DLGAP2: variants seen among roughly 807,000 people sequenced by gnomAD.
The protein encoded by DLGAP2 is DLG associated protein 2.
DLGAP2 carries 26 observed loss-of-function variants against 100.3 expected under a neutral mutation model. The observed-to-expected ratio is 0.26, with a 90% CI of 0.19 to 0.36. The LOEUF (loss-of-function observed/expected upper bound fraction) is 0.36, where lower values mean the gene tolerates loss of function less well. DLGAP2 is among the 10% of genes least tolerant of loss of function. The pLI, the probability that DLGAP2 is intolerant of heterozygous loss-of-function variation, is 1.00. For synonymous variants in DLGAP2, 886 were observed against 630.1 expected, an observed-to-expected ratio of 1.41 and a Z score of -6.08; for missense variants, 1,858 against 1,453.2, an observed-to-expected ratio of 1.28 and a Z score of -4.53.
intron 2 of DLGAP2, among the ~76,000 whole-genome samples, chr8:933,306 G>A (rs914669572): frequency 5.3e-5 from 8 of 152,288 alleles, no homozygotes; most frequent in African/African-American, 1.4e-4. Flanking sequence ...CCATGGTCCC[G>A]GGGGTGAGGG....
chr8:1,032,708 T>G (rs984219713), intron 2 of DLGAP2: 5 of 152,218 alleles, frequency 3.3e-5, no homozygotes, highest in Non-Finnish European at 7.3e-5. Flanking sequence ...TGGCTTCTGT[T>G]GTACTCCTAA....
chr8:1,338,862 C>T (rs1428655296), intron 3 of DLGAP2, among the ~76,000 whole-genome samples: 1 of 124,004 alleles, frequency 8.1e-6, no homozygotes, highest in Non-Finnish European at 1.7e-5. Flanking sequence ...GCAGTGACTT[C>T]AGTGAGGCGT....
chr8:965,682 C>G (rs1224981054), intron 2 of DLGAP2, among the ~76,000 whole-genome samples: 2 of 143,742 alleles, frequency 1.4e-5, no homozygotes, highest in African/African-American at 5.3e-5. Flanking sequence ...GCACACGGCA[C>G]TGTTCACCTC....
At chr8:1,101,515 G>A (rs890957567) in intron 2 of DLGAP2, among the ~76,000 whole-genome samples, 3 of 152,156 alleles carry the variant, frequency 2.0e-5, no homozygotes, top group Admixed American at 1.3e-4. Context: ...GCAGACGGGG[G>A]TGCCGGGGCT....
intron 1 of DLGAP2, among the ~76,000 whole-genome samples, chr8:859,339 T>A (rs1035743179): frequency 2.6e-5 from 4 of 152,174 alleles, no homozygotes; most frequent in Admixed American, 6.5e-5. Flanking sequence ...CTGAAACTCC[T>A]GACCGCAGCT....
intron 2 of DLGAP2, among the ~76,000 whole-genome samples, chr8:1,155,097 G>T (rs1034783800): frequency 2.1e-4 from 32 of 152,152 alleles, no homozygotes; most frequent in Non-Finnish European, 4.4e-4. Flanking sequence ...CGGAGGGGCC[G>T]TCTTAAACCC....
chr8:1,276,860 A>G (rs1799708295), intron 3 of DLGAP2, among the ~76,000 whole-genome samples: 1 of 152,230 alleles, frequency 6.6e-6, no homozygotes, highest in Non-Finnish European at 1.5e-5. Context: ...ACTAAAATTA[A>G]TAAAATTAAG....
chr8:1,235,486 A>C (rs1215161759), intron 2 of DLGAP2, among the ~76,000 whole-genome samples: 88 of 114,020 alleles, frequency 7.7e-4, no homozygotes, highest in East Asian at 2.3e-3. Context: ...CTAGTTCTCT[A>C]TCACACATAG....
chr8:1,213,245 A>T (rs4735996), intron 2 of DLGAP2, among the ~76,000 whole-genome samples: 46,214 of 152,056 alleles, frequency 0.3, 8,664 homozygotes, highest in African/African-American at 0.54. Flanking sequence ...TAAATCTGCA[A>T]GTCAACAACA....
At chr8:1,178,356 G>A (rs7837870) in intron 2 of DLGAP2, among the ~76,000 whole-genome samples, 34,343 of 152,018 alleles carry the variant, frequency 0.23, 4,061 homozygotes, top group Middle Eastern at 0.36. Context: ...GCGGAGGGGC[G>A]GCAGCAGTGG....
chr8:1,313,746 G>C (rs560865358), intron 3 of DLGAP2, among the ~76,000 whole-genome samples: 3 of 152,084 alleles, frequency 2.0e-5, no homozygotes, highest in Non-Finnish European at 4.4e-5. Context: ...TCAGATTTTT[G>C]AATATCAGAT....
intron 4 of DLGAP2, among the ~76,000 whole-genome samples, chr8:1,527,715 C>T (rs1442143032): frequency 6.6e-6 from 1 of 152,146 alleles, no homozygotes; most frequent in East Asian, 1.9e-4. Context: ...GCATGCACGG[C>T]GTAACTGGGG....
At chr8:1,196,904 G>A (rs371728188) in intron 2 of DLGAP2, among the ~76,000 whole-genome samples, 2 of 152,144 alleles carry the variant, frequency 1.3e-5, no homozygotes, top group Non-Finnish European at 2.9e-5. Context: ...ATGGGAATTG[G>A]TCGCTGTGAT....
intron 2 of DLGAP2, among the ~76,000 whole-genome samples, chr8:1,194,040 C>T (rs924188197): frequency 1.3e-5 from 2 of 152,154 alleles, no homozygotes; most frequent in Non-Finnish European, 2.9e-5. Flanking sequence ...AATCCACGTA[C>T]TGTGACATTC....
Position 1,545,068 on chromosome 8 carries a change from T to A in DLGAP2, c.173-3558T>A, listed in dbSNP as rs116470481. 5.8e-3 allele frequency among the ~76,000 whole-genome samples: 878 copies of A among 152,270 alleles called. 9 individuals are homozygous for A. Among genetic ancestry groups the A allele is most frequent in the African/African-American group, 0.018 (767 of 41,540 alleles). On this transcript the variant is annotated intron_variant, in intron 4 of 14. Transcript: ENST00000637795. ...TTTTTGCATCTCTATTTATAAGGGA[T>A]ATTAATCTATAGTTTTCTTTTCTTG... is the stretch of plus-strand genomic sequence containing the variant.
chr8:955,577 G>A (rs978602976), intron 2 of DLGAP2, among the ~76,000 whole-genome samples: 2 of 152,132 alleles, frequency 1.3e-5, no homozygotes, highest in African/African-American at 2.4e-5. Context: ...TGCTGCACAC[G>A]GATGTTACTC....
chr8:1,316,618 C>G (rs376947544), intron 3 of DLGAP2, among the ~76,000 whole-genome samples: 7 of 122,716 alleles, frequency 5.7e-5, no homozygotes, highest in Middle Eastern at 5.1e-3. Context: ...AAAAATAGAG[C>G]GTGTGCGAGT....
At chr8:816,790 TTTGA>T (rs1796488705) in intron 1 of DLGAP2, among the ~76,000 whole-genome samples, 1 of 152,232 alleles carries the variant, frequency 6.6e-6, no homozygotes, top group South Asian at 2.1e-4. Context: ...GGAAGTTTTC[TTTGA>T]TTGTTCCCTC....
At position 1,017,549 on chromosome 8, in the gene DLGAP2, T is replaced by C. The variant is rs56005833; in HGVS notation, c.73+109583T>C. On this transcript the variant is annotated intron_variant, in intron 2 of 14. Transcript: ENST00000637795. ...CACTGTGTGTGACCAGGACAGACGATGCCTCCACTGTGTGTGTGACCAGGA... is the reference window on the plus strand; with the variant it reads ...CACTGTGTGTGACCAGGACAGACGACGCCTCCACTGTGTGTGTGACCAGGA... Among the ~76,000 whole-genome samples the C allele has an allele frequency of 4.3e-3, 382 of 89,200 alleles. 6 individuals carry two copies. The highest frequency in any genetic ancestry group is 0.016 in the Middle Eastern group (2 of 124). 58.5% of individuals were successfully genotyped at this position (89,200 alleles called of 152,430 possible). A position where few individuals can be genotyped will look rare whatever the true frequency, so the allele number is the denominator to read the frequency against.
Sources: allele counts gnomAD v4.1 joint callset (sites outside exome capture counted in the v4.1 genomes callset), GRCh38; gene constraint gnomAD v4.1.1; transcripts MANE v1.5; gene names NCBI Gene and HGNC (gene_info 2026-07-23, HGNC 2026-07-21).